The following IQCH variants were observed in gnomAD, a reference collection of about 807,000 sequenced individuals.
The protein encoded by IQCH is IQ motif containing H.
IQCH carries 98 observed loss-of-function variants against 117.0 expected under a neutral mutation model. The observed-to-expected ratio is 0.84, with a 90% CI of 0.71 to 0.99. The LOEUF (loss-of-function observed/expected upper bound fraction) is 0.99, where lower values mean the gene tolerates loss of function less well. Ranked by LOEUF, IQCH falls within the 50% of genes least tolerant of loss-of-function variation. The pLI is 0.00. For missense variants in IQCH, 1,102 were observed against 1,243.8 expected, an observed-to-expected ratio of 0.89 and a Z score of 1.72; for synonymous variants, 412 against 448.2, an observed-to-expected ratio of 0.92 and a Z score of 1.02.
Position 67,487,457 on chromosome 15 carries a change from C to CA in IQCH, c.2800-2544dup, listed in dbSNP as rs1555514346. Among the ~76,000 whole-genome samples the CA allele has an allele frequency of 5.6e-3, 839 of 150,614 alleles. 4 individuals carry two copies. The highest frequency in any genetic ancestry group is 0.02 in the African/African-American group (809 of 40,304). On this transcript the variant is annotated intron_variant, in intron 18 of 20. Transcript: ENST00000335894. Reference sequence around the variant, plus strand: ...ACACACACACACACACACACACACACAACCCTCATTAATATAAGTAATATT... The same window carrying CA: ...ACACACACACACACACACACACACACAAACCCTCATTAATATAAGTAATATT...
intron 1 of IQCH, among the ~76,000 whole-genome samples, chr15:67,256,724 C>T (rs941480319): frequency 6.6e-6 from 1 of 152,202 alleles, no homozygotes; most frequent in Non-Finnish European, 1.5e-5. Flanking sequence ...TAACTGTTGA[C>T]ACTGACTTGT....
At chr15:67,497,358 G>T (rs1006287026) in intron 20 of IQCH, among the ~76,000 whole-genome samples, 5 of 151,764 alleles carry the variant, frequency 3.3e-5, no homozygotes, top group Non-Finnish European at 7.4e-5. Flanking sequence ...AAATCCTAAA[G>T]AACCCATCAA....
chr15:67,343,559 A>G (rs940658622), intron 5 of IQCH, among the ~76,000 whole-genome samples: 13 of 152,256 alleles, frequency 8.5e-5, no homozygotes, highest in Admixed American at 7.9e-4. Context: ...CTATCTGAGC[A>G]TTAATGTTTC....
At chr15:67,449,909 G>C (rs900956995) in intron 16 of IQCH, among the ~76,000 whole-genome samples, 1 of 152,102 alleles carries the variant, frequency 6.6e-6, no homozygotes. Flanking sequence ...ATTGAACAGT[G>C]GTTTGTAGTT....
intron 16 of IQCH, among the ~76,000 whole-genome samples, chr15:67,462,509 T>C (rs567150804): frequency 2.8e-4 from 43 of 152,194 alleles, no homozygotes; most frequent in African/African-American, 9.4e-4. Context: ...TATTATCATT[T>C]GCTCCTTTTA....
intron 3 of IQCH, among the ~76,000 whole-genome samples, chr15:67,276,666 T>C (rs1966137253): frequency 6.6e-6 from 1 of 152,110 alleles, no homozygotes; most frequent in Non-Finnish European, 1.5e-5. Context: ...CTTACTTGCA[T>C]AGTTTCTGAA....
intron 20 of IQCH, among the ~76,000 whole-genome samples, chr15:67,498,752 G>C (rs972703902): frequency 5.3e-5 from 8 of 152,108 alleles, no homozygotes; most frequent in African/African-American, 1.9e-4. Context: ...GGTGCCTAAA[G>C]CACAAGCAAC....
At chr15:67,269,965 C>G (rs1204641620) in intron 3 of IQCH, among the ~76,000 whole-genome samples, 1 of 152,118 alleles carries the variant, frequency 6.6e-6, no homozygotes, top group Admixed American at 6.5e-5. Context: ...AATCTCTCTT[C>G]AATATACTGG....
intron 4 of IQCH, among the ~76,000 whole-genome samples, chr15:67,309,844 C>T (rs1231956319): frequency 6.6e-6 from 1 of 150,628 alleles, no homozygotes; most frequent in Non-Finnish European, 1.5e-5. Context: ...TTACTGAACC[C>T]TAGGTAAGCA....
intron 18 of IQCH, among the ~76,000 whole-genome samples, chr15:67,477,488 C>T (rs1049467446): frequency 1.1e-4 from 16 of 152,122 alleles, no homozygotes; most frequent in South Asian, 4.1e-4. Flanking sequence ...TAGATGAATT[C>T]GTGCTGTTTG....
chr15:67,428,847 CAAA>C (rs541782495), intron 16 of IQCH, among the ~76,000 whole-genome samples: 3 of 81,186 alleles, frequency 3.7e-5, no homozygotes. Context: ...GACTCTGTCT[CAAA>C]AAAAAAAAAA....
At chr15:67,487,469 A>G (rs1018263628) in intron 18 of IQCH, among the ~76,000 whole-genome samples, 2 of 149,974 alleles carry the variant, frequency 1.3e-5, no homozygotes, top group Non-Finnish European at 3.0e-5. Flanking sequence ...ACCCTCATTA[A>G]TATAAGTAAT....
At chr15:67,301,499 T>G (rs1030358664) in intron 4 of IQCH, among the ~76,000 whole-genome samples, 60 of 127,766 alleles carry the variant, frequency 4.7e-4, no homozygotes, top group African/African-American at 1.8e-3. Context: ...AACCTCCACC[T>G]CCTGGGTTCA....
chr15:67,375,782 ATTTTTTT>A (rs56656205), intron 10 of IQCH, among the ~76,000 whole-genome samples: 1 of 90,372 alleles, frequency 1.1e-5, no homozygotes, highest in Non-Finnish European at 2.2e-5. Context: ...TTTGTTTTGG[ATTTTTTT>A]TTTTTTTTTT....
In IQCH at chr15:67,475,640, C is replaced by G. The variant is rs1050636845; in HGVS notation, c.2677-56C>G. ...ATTTTCCTGTTAATCTCAAGTATTC[C>G]AAAATTACAAGTTTATTTAAATATC... On this transcript the variant is annotated intron_variant, in intron 17 of 20. Coordinates refer to ENST00000335894, the MANE Select transcript of IQCH (RefSeq NM_001031715.3). The surrounding 1 kb of genome is among the most constrained non-coding windows in gnomAD (Gnocchi z 5.7). The G allele has an allele frequency of 1.0e-5, 16 of 1,550,642 alleles. 1 individual carries two copies. The African/African-American group carries it at 2.2e-4, about 21-fold the overall frequency.
At chr15:67,273,835 C>T (rs1468283151) in intron 3 of IQCH, among the ~76,000 whole-genome samples, 3 of 152,126 alleles carry the variant, frequency 2.0e-5, no homozygotes. Context: ...CTCCCATTAG[C>T]ATTTGATGTA....
At chr15:67,495,931 G>A (rs6494665) in intron 20 of IQCH, among the ~76,000 whole-genome samples, 129,742 of 152,248 alleles carry the variant, frequency 0.85, 55,351 homozygotes, top group Middle Eastern at 0.89. Context: ...ATCTTTGCTA[G>A]TATTTTCTGT....
chr15:67,322,418 GT>G (rs535248328), intron 4 of IQCH, among the ~76,000 whole-genome samples: 147 of 152,246 alleles, frequency 9.7e-4, no homozygotes, highest in Non-Finnish European at 1.6e-3. Flanking sequence ...GTCATGTCCT[GT>G]TTTTTAAGTT....
chr15:67,383,390 CACATGCTGCGT>C (rs1971005827), intron 10 of IQCH, among the ~76,000 whole-genome samples: 1 of 152,168 alleles, frequency 6.6e-6, no homozygotes, highest in Non-Finnish European at 1.5e-5. Context: ...CTTATTCACT[CACATGCTGCGT>C]ATGTGGCAAC....
Sources: allele counts gnomAD v4.1 joint callset (sites outside exome capture counted in the v4.1 genomes callset), GRCh38; gene constraint gnomAD v4.1.1; non-coding constraint Gnocchi (gnomAD v3.1); transcripts MANE v1.5; gene names NCBI Gene and HGNC (gene_info 2026-07-23, HGNC 2026-07-21).